Variants in FOXP2 observed in about 807,000 individuals in gnomAD.
FOXP2 encodes forkhead box P2.
In FOXP2, 12 loss-of-function variants were observed where a neutral mutation model predicts 115.8. The observed-to-expected ratio is 0.10, with a 90% CI of 0.07 to 0.17. The LOEUF (loss-of-function observed/expected upper bound fraction) is 0.17, where lower values mean the gene tolerates loss of function less well. Among genes scored for constraint, FOXP2 ranks in the 10% least tolerant of loss-of-function variants. FOXP2 has a pLI of 1.00. For missense variants in FOXP2, 629 were observed against 843.5 expected, an observed-to-expected ratio of 0.75 and a Z score of 3.15; for synonymous variants, 328 against 297.7, an observed-to-expected ratio of 1.10 and a Z score of -1.05.
intron 2 of FOXP2, among the ~76,000 whole-genome samples, chr7:114,513,858 A>C (rs896190650): frequency 6.6e-6 from 1 of 152,078 alleles, no homozygotes; most frequent in Non-Finnish European, 1.5e-5. Flanking sequence ...TATATATCAC[A>C]AACAAAAGGC....
At chr7:114,299,785 G>A (rs1584618759) in intron 2 of FOXP2, among the ~76,000 whole-genome samples, 1 of 152,082 alleles carries the variant, frequency 6.6e-6, no homozygotes, top group East Asian at 1.9e-4. Context: ...TTAGGGAAGA[G>A]GATTGAGGAG....
Position 114,415,264 on chromosome 7 carries a change from C to T in FOXP2, c.-107C>T, listed in dbSNP as rs1017710152. On this transcript the variant is annotated 5_prime_UTR_variant, in exon 1 of 17. Transcript: ENST00000350908. ...TTTTCCCTTCTTTTTATACTGTTTT[C>T]TGTGCTGGCTTTTTTGAATCTTCCT... The T allele has an allele frequency of 1.1e-5, 5 of 453,708 alleles. No individual in the cohort carries two copies. Among genetic ancestry groups the T allele is most frequent in the Non-Finnish European group, 2.2e-5 (5 of 226,686 alleles). 28.1% of individuals were successfully genotyped at this position (453,708 alleles called of 1,614,324 possible). A position where few individuals can be genotyped will look rare whatever the true frequency, so the allele number is the denominator to read the frequency against.
upstream of FOXP2, among the ~76,000 whole-genome samples, chr7:114,412,382 T>C (rs558521534): frequency 6.6e-6 from 1 of 152,268 alleles, no homozygotes; most frequent in South Asian, 2.1e-4. Context: ...CCTGGAGTTA[T>C]TTCCAGGTGA....
At chr7:114,649,782 T>C (rs1041502799) in intron 8 of FOXP2, among the ~76,000 whole-genome samples, 3 of 152,004 alleles carry the variant, frequency 2.0e-5, no homozygotes, top group African/African-American at 7.2e-5. Context: ...TATGTATGTG[T>C]TTTTCAAGTT....
chr7:114,451,714 T>C (rs1042892798), intron 2 of FOXP2, among the ~76,000 whole-genome samples: 1 of 151,978 alleles, frequency 6.6e-6, no homozygotes, highest in Non-Finnish European at 1.5e-5. Context: ...GCTTAATACA[T>C]AAAAGTAAAT....
intron 1 of FOXP2, among the ~76,000 whole-genome samples, chr7:114,282,038 A>C (rs1796351344): frequency 6.6e-6 from 1 of 152,166 alleles, no homozygotes; most frequent in Admixed American, 6.6e-5. Context: ...GAGCAAATTT[A>C]AGTTCTCAGT....
chr7:114,415,733 G>T (rs1239627369), intron 1 of FOXP2, among the ~76,000 whole-genome samples: 3 of 151,924 alleles, frequency 2.0e-5, no homozygotes, highest in Non-Finnish European at 4.4e-5. Flanking sequence ...CCCAGTATGT[G>T]TCAGGGCGCA....
intron 1 of FOXP2, among the ~76,000 whole-genome samples, chr7:114,243,262 G>GAAA (rs61609626): frequency 1.6e-4 from 17 of 107,052 alleles, no homozygotes; most frequent in African/African-American, 5.2e-4. Flanking sequence ...CCATGAGCCA[G>GAAA]AAAAAAAAAA....
intron 2 of FOXP2, among the ~76,000 whole-genome samples, chr7:114,442,115 T>G (rs188405501): frequency 2.9e-4 from 44 of 152,224 alleles, no homozygotes; most frequent in African/African-American, 9.9e-4. Context: ...CATTAATTGG[T>G]GAACAGGTAT....
Position 114,252,197 on chromosome 7 carries a change from A to T in FOXP2, c.-101-35822A>T, listed in dbSNP as rs1020161309. On this transcript the variant is annotated intron_variant, in intron 1 of 17. Coordinates refer to the FOXP2 transcript ENST00000634411. ...GAGCTGCTGGATTTAGTTTGCCAGT[A>T]TTTTTTTTGAGGATTTTTGCGTCGA... Among the ~76,000 whole-genome samples the T allele has an allele frequency of 4.0e-5, 6 of 151,720 alleles. No individual in the cohort carries two copies. In the South Asian group the frequency reaches 6.2e-4, roughly 16 times the overall value.
chr7:114,185,906 T>A (rs1402835405), intron 1 of FOXP2, among the ~76,000 whole-genome samples: 2 of 152,216 alleles, frequency 1.3e-5, no homozygotes, highest in Admixed American at 1.3e-4. Flanking sequence ...TTCACAATTC[T>A]GGAGCCTGGG....
chr7:114,576,754 T>G (rs1470479171), intron 3 of FOXP2, among the ~76,000 whole-genome samples: 1 of 151,998 alleles, frequency 6.6e-6, no homozygotes, highest in Non-Finnish European at 1.5e-5. Flanking sequence ...TAATTGGCAT[T>G]AACTTCTAAC....
intron 2 of FOXP2, among the ~76,000 whole-genome samples, chr7:114,334,935 A>C (rs1053727114): frequency 2.1e-4 from 26 of 125,256 alleles, no homozygotes; most frequent in African/African-American, 3.3e-4. Context: ...AGAAATCTAT[A>C]TATATATATA....
intron 3 of FOXP2, among the ~76,000 whole-genome samples, chr7:114,546,049 C>T (rs1047282179): frequency 9.8e-5 from 15 of 152,292 alleles, no homozygotes; most frequent in Admixed American, 3.3e-4. Context: ...TCTGGCCCAT[C>T]ATAGGTTTTC....
At chr7:114,285,492 A>G (rs1796445327) in intron 1 of FOXP2, 1 of 152,162 alleles carries the variant, frequency 6.6e-6, no homozygotes, top group East Asian at 1.9e-4. Context: ...GATTTAAGCT[A>G]ATATATTTTA....
At chr7:114,583,320 G>C (rs1206420747) in intron 3 of FOXP2, among the ~76,000 whole-genome samples, 1 of 152,062 alleles carries the variant, frequency 6.6e-6, no homozygotes, top group Non-Finnish European at 1.5e-5. Flanking sequence ...GGGGGTTGCA[G>C]TGAGCAGAGA....
chr7:114,280,741 T>C (rs1796315084), intron 1 of FOXP2, among the ~76,000 whole-genome samples: 1 of 152,176 alleles, frequency 6.6e-6, no homozygotes, highest in Non-Finnish European at 1.5e-5. Context: ...TTTGATTACC[T>C]CATGAGAAAT....
chr7:114,405,482 T>C (rs1793013968), intron 2 of FOXP2, among the ~76,000 whole-genome samples: 1 of 151,860 alleles, frequency 6.6e-6, no homozygotes, highest in Admixed American at 6.6e-5. Flanking sequence ...ATTTTGCTTT[T>C]AGGAAGAAAA....
At chr7:114,598,141 A>G (rs1381478805) in intron 3 of FOXP2, among the ~76,000 whole-genome samples, 1 of 152,034 alleles carries the variant, frequency 6.6e-6, no homozygotes, top group African/African-American at 2.4e-5. Context: ...TGTGAGTGCT[A>G]CTGTGGCCAA....
Sources: gnomAD v4.1 joint callset for allele counts (sites outside exome capture counted in the v4.1 genomes callset) on GRCh38, gnomAD v4.1.1 for gene constraint, MANE v1.5 for transcripts, NCBI Gene and HGNC (gene_info 2026-07-23, HGNC 2026-07-21) for gene names.